PRIM2: variants seen among roughly 807,000 people sequenced by gnomAD.
PRIM2 encodes the protein DNA primase large subunit.
Under a neutral mutation model 67.3 loss-of-function variants are expected in PRIM2, and 39 were observed. The observed-to-expected ratio is 0.58, with a 90% CI of 0.45 to 0.76. The LOEUF is 0.76. Among genes scored for constraint, PRIM2 ranks in the 30% least tolerant of loss-of-function variants. The pLI is 0.00. For missense variants in PRIM2, 398 were observed against 598.7 expected, an observed-to-expected ratio of 0.66 and a Z score of 3.50; for synonymous variants, 143 against 198.7, an observed-to-expected ratio of 0.72 and a Z score of 2.36.
chr6:57,546,501 A>G (rs1341985991), intron 10 of PRIM2, among the ~76,000 whole-genome samples: 1 of 152,158 alleles, frequency 6.6e-6, no homozygotes, highest in African/African-American at 2.4e-5. Context: ...GAATGAGGGG[A>G]AAGTACACAA....
intron 7 of PRIM2, among the ~76,000 whole-genome samples, chr6:57,463,437 A>G (rs1773076479): frequency 6.6e-6 from 1 of 152,176 alleles, no homozygotes; most frequent in Non-Finnish European, 1.5e-5. Context: ...GGCTGCAGTG[A>G]GCTGTGATTA....
chr6:57,566,390 A>G (rs1316557748), intron 10 of PRIM2, among the ~76,000 whole-genome samples: 1 of 152,108 alleles, frequency 6.6e-6, no homozygotes, highest in Non-Finnish European at 1.5e-5. Flanking sequence ...TCTTTCCAAA[A>G]TCACTTATAT....
chr6:57,380,681 C>T (rs1331331436), intron 6 of PRIM2, among the ~76,000 whole-genome samples: 2 of 151,964 alleles, frequency 1.3e-5, no homozygotes, highest in East Asian at 3.9e-4. Flanking sequence ...GTTTAAAGTC[C>T]TGCCCCATTC....
the PRIM2 span, among the ~76,000 whole-genome samples, chr6:57,288,089 T>C: frequency 3.9e-5 from 6 of 152,188 alleles, no homozygotes; most frequent in Non-Finnish European, 8.8e-5. Context: ...GCTTTTCCCA[T>C]GGTCTTCACA....
rs536137551 is a variant in PRIM2 at position 57,363,041 on chromosome 6, G to A, written c.460-16860G>A. Among the ~76,000 whole-genome samples, 8 of 152,248 alleles carry A rather than the reference G, an allele frequency of 5.3e-5. No individual in the cohort carries two copies. The South Asian group carries it at 1.5e-3, about 28-fold the overall frequency. ...TCATTAAATATTTACTGTTTGTAAG[G>A]TTTAGTAATATAAGATCAGAAAGTT... On this transcript the variant is annotated intron_variant, in intron 5 of 13. Transcript: ENST00000615550.
intron 7 of PRIM2, among the ~76,000 whole-genome samples, chr6:57,408,164 A>G (rs1473380582): frequency 6.6e-6 from 1 of 152,350 alleles, no homozygotes; most frequent in East Asian, 1.9e-4. Flanking sequence ...GAAGAACACC[A>G]GGGCTCTTGT....
the PRIM2 span, among the ~76,000 whole-genome samples, chr6:57,228,356 A>G: frequency 6.6e-6 from 1 of 152,206 alleles, no homozygotes; most frequent in East Asian, 1.9e-4. Flanking sequence ...TGAAATGTGT[A>G]AGGCAGGTTG....
intron 7 of PRIM2, among the ~76,000 whole-genome samples, chr6:57,392,232 A>T (rs1046609721): frequency 6.6e-6 from 1 of 152,056 alleles, no homozygotes; most frequent in Non-Finnish European, 1.5e-5. Flanking sequence ...TGTATCCTGG[A>T]ACTGCTGAAG....
the PRIM2 span, among the ~76,000 whole-genome samples, chr6:57,251,755 C>G: frequency 6.6e-6 from 1 of 152,266 alleles, no homozygotes; most frequent in East Asian, 1.9e-4. Flanking sequence ...AGAAAATCAT[C>G]CAGTCTTCTT....
the PRIM2 span, among the ~76,000 whole-genome samples, chr6:57,248,440 G>T: frequency 5.3e-5 from 8 of 152,232 alleles, no homozygotes; most frequent in African/African-American, 1.9e-4. Flanking sequence ...ACAAATAATT[G>T]AACAAAATGC....
At chr6:57,279,856 T>C in the PRIM2 span, among the ~76,000 whole-genome samples, 2 of 152,098 alleles carry the variant, frequency 1.3e-5, no homozygotes, top group East Asian at 3.9e-4. Flanking sequence ...GGAAGTCCTG[T>C]TGAGTGAGGC....
chr6:57,275,050 G>T, the PRIM2 span, among the ~76,000 whole-genome samples: 1 of 151,524 alleles, frequency 6.6e-6, no homozygotes, highest in African/African-American at 2.4e-5. Flanking sequence ...TTATAGGCGT[G>T]AGCCACTGCG....
chr6:57,590,567 A>G (rs1776266860), intron 10 of PRIM2, among the ~76,000 whole-genome samples: 2 of 152,176 alleles, frequency 1.3e-5, no homozygotes. Context: ...AACTAACAGG[A>G]TCCTTGCTGC....
intron 10 of PRIM2, among the ~76,000 whole-genome samples, chr6:57,539,578 G>GTGTA (rs1275432383): frequency 4.6e-4 from 70 of 151,706 alleles, no homozygotes; most frequent in Non-Finnish European, 8.2e-4. Context: ...GTGTGTGTGT[G>GTGTA]TGTGTGTGTC....
chr6:57,381,163 G>C (rs1051889209), intron 6 of PRIM2, among the ~76,000 whole-genome samples: 23 of 152,186 alleles, frequency 1.5e-4, no homozygotes, highest in African/African-American at 5.3e-4. Flanking sequence ...TGAGGGCAGG[G>C]ACTGTGTTGC....
chr6:57,394,810 G>A (rs1770467276), intron 7 of PRIM2, among the ~76,000 whole-genome samples: 1 of 152,086 alleles, frequency 6.6e-6, no homozygotes, highest in Non-Finnish European at 1.5e-5. Flanking sequence ...GTCATAGATG[G>A]CTTTTATAAC....
rs1393524050 is a variant in PRIM2 at position 57,511,004 on chromosome 6, G to A, written c.761+3550G>A. Among the ~76,000 whole-genome samples, 17 of 151,940 alleles carry A rather than the reference G, an allele frequency of 1.1e-4. 1 individual carries two copies. The stretch of plus-strand genomic sequence containing the variant: ...ATTATTAGGTCTAATTTTGTTTATT[G>A]CCTCTAATGAGGAAAGAGGAATGAT... On this transcript the variant is annotated intron_variant, in intron 8 of 13. Transcript: ENST00000615550.
chr6:57,588,919 G>A (rs1430006901), intron 10 of PRIM2, among the ~76,000 whole-genome samples: 75 of 152,132 alleles, frequency 4.9e-4, no homozygotes, highest in Non-Finnish European at 8.2e-4. Flanking sequence ...TTAATTGATG[G>A]TGATAGCCAC....
chr6:57,601,683 G>A (rs1182519427), intron 11 of PRIM2, among the ~76,000 whole-genome samples: 5 of 152,062 alleles, frequency 3.3e-5, no homozygotes, highest in African/African-American at 1.2e-4. Flanking sequence ...GATTAAGTGG[G>A]CAATTTAACA....
Sources: gnomAD v4.1 joint callset for allele counts (sites outside exome capture counted in the v4.1 genomes callset) on GRCh38, gnomAD v4.1.1 for gene constraint, MANE v1.5 for transcripts, NCBI Gene and HGNC (gene_info 2026-07-23, HGNC 2026-07-21) for gene names.